Variants in LCORL observed in about 807,000 individuals in gnomAD.
The protein encoded by LCORL is ligand-dependent nuclear receptor corepressor-like protein.
A neutral mutation model predicts 141.8 loss-of-function variants in LCORL; 41 were observed. The observed-to-expected ratio is 0.29, with a 90% confidence interval of 0.23 to 0.38. The LOEUF is 0.38. Ranked by LOEUF, LCORL falls within the 10% of genes least tolerant of loss-of-function variation. The pLI, the probability that LCORL is intolerant of heterozygous loss-of-function variation, is 1.00. For missense variants in LCORL, 1,759 were observed against 2,035.0 expected (o/e 0.86, Z 2.61); for synonymous variants, 618 against 694.1 (o/e 0.89, Z 1.72).
chr4:17,922,407 G>A (rs1297885638), intron 4 of LCORL, among the ~76,000 whole-genome samples: 1 of 152,124 alleles, frequency 6.6e-6, no homozygotes. Context: ...GCTTGTGAGA[G>A]GCAAGTTTAG....
chr4:17,912,908 C>A, intron 4 of LCORL: 1 of 466,278 alleles, frequency 2.1e-6, no homozygotes, highest in Admixed American at 2.3e-5. Flanking sequence ...ATCCAAAAGA[C>A]CACCAGCCAC....
chr4:17,921,323 C>T (rs1009055248), intron 4 of LCORL, among the ~76,000 whole-genome samples: 2 of 152,162 alleles, frequency 1.3e-5, no homozygotes, highest in African/African-American at 2.4e-5. Flanking sequence ...GCCACCGCAC[C>T]CAACCGAATC....
intron 1 of LCORL, among the ~76,000 whole-genome samples, chr4:17,990,575 T>C (rs1719813988): frequency 6.6e-6 from 1 of 151,600 alleles, no homozygotes; most frequent in Non-Finnish European, 1.5e-5. Flanking sequence ...TATCATGATA[T>C]GCACTAAGGG....
At chr4:17,941,852 A>ATT (rs10716443) in intron 4 of LCORL, among the ~76,000 whole-genome samples, 5 of 145,212 alleles carry the variant, frequency 3.4e-5, no homozygotes, top group Admixed American at 2.1e-4. Context: ...CCATGATAGA[A>ATT]TTTTTTTTTT....
intron 4 of LCORL, among the ~76,000 whole-genome samples, chr4:17,933,761 T>C (rs1172752774): frequency 6.6e-6 from 1 of 152,098 alleles, no homozygotes; most frequent in Non-Finnish European, 1.5e-5. Context: ...TACTGTCATA[T>C]GTAAAAACTG....
At chr4:18,003,845 A>C (rs1245494954) in intron 1 of LCORL, among the ~76,000 whole-genome samples, 6 of 152,348 alleles carry the variant, frequency 3.9e-5, no homozygotes, top group Admixed American at 3.9e-4. Context: ...TCAACATATC[A>C]CATAAAAATA....
chr4:17,922,792 G>A (rs569363392), intron 4 of LCORL, among the ~76,000 whole-genome samples: 30 of 152,282 alleles, frequency 2.0e-4, no homozygotes, highest in African/African-American at 6.7e-4. Flanking sequence ...AACCTGATGA[G>A]GCTGGGAACA....
chr4:17,990,367 C>T (rs1229309556), intron 1 of LCORL, among the ~76,000 whole-genome samples: 1 of 147,676 alleles, frequency 6.8e-6, no homozygotes, highest in African/African-American at 2.6e-5. Context: ...CCAAAGTGCT[C>T]GGATTACAGG....
intron 1 of LCORL, among the ~76,000 whole-genome samples, chr4:17,989,563 C>T (rs1719607507): frequency 1.3e-5 from 2 of 152,104 alleles, no homozygotes; most frequent in Admixed American, 1.3e-4. Flanking sequence ...AAGTATCTCC[C>T]AAACTTTTGG....
intron 2 of LCORL, among the ~76,000 whole-genome samples, chr4:17,967,566 A>G (rs1281926035): frequency 6.6e-6 from 1 of 152,214 alleles, no homozygotes; most frequent in East Asian, 1.9e-4. Context: ...AGTTAAAAAA[A>G]TTAAAATCAT....
chr4:17,978,213 T>G (rs145759752), intron 1 of LCORL, among the ~76,000 whole-genome samples: 1 of 152,312 alleles, frequency 6.6e-6, no homozygotes, highest in African/African-American at 2.4e-5. Context: ...ACATTGTGAA[T>G]TTTACATTGT....
intron 1 of LCORL, among the ~76,000 whole-genome samples, chr4:18,012,580 A>AATTAATTAATTACTTACTTAATTAATT (rs1429385892): frequency 6.6e-6 from 1 of 152,228 alleles, no homozygotes; most frequent in African/African-American, 2.4e-5. Flanking sequence ...TGACAACAGT[A>AATTAATTAATTACTTACTTAATTAATT]AATTAATTGT....
chr4:17,853,049 A>T (rs199627648), intron 7 of LCORL, among the ~76,000 whole-genome samples: 3 of 125,172 alleles, frequency 2.4e-5, no homozygotes, highest in South Asian at 2.8e-4. Flanking sequence ...TAAAAGCTTG[A>T]TTTTTTTTTT....
At chr4:17,982,482 G>A (rs1014211794) in intron 1 of LCORL, among the ~76,000 whole-genome samples, 7 of 148,810 alleles carry the variant, frequency 4.7e-5, no homozygotes, top group Admixed American at 6.8e-5. Context: ...ACTGGTGTGA[G>A]ATGTTATCTC....
intron 6 of LCORL, chr4:17,883,382 C>A: frequency 1.9e-6 from 2 of 1,039,656 alleles, no homozygotes; most frequent in Admixed American, 5.3e-5. Context: ...AAAAATGTTT[C>A]ACTTGACAAT....
At chr4:18,019,454 A>C (rs1472943337) in intron 1 of LCORL, among the ~76,000 whole-genome samples, 1 of 152,248 alleles carries the variant, frequency 6.6e-6, no homozygotes, top group East Asian at 1.9e-4. Context: ...ATTTCTTTTC[A>C]CATACGATAC....
Position 17,883,631 on chromosome 4 carries a change from T to C in LCORL, c.776+2437A>G, listed in dbSNP as rs149560957. ...CATTTGTAATTCCCACGTGTGTATA[T>C]AGACACACAAATACACACCTGTGCA... On this transcript the variant is annotated intron_variant, in intron 6 of 7. Coordinates refer to ENST00000635767, the Ensembl canonical transcript of LCORL. 2.8e-4 allele frequency: 395 copies of C among 1,430,560 alleles called. No individual in the cohort carries two copies. In the African/African-American group the frequency reaches 3.9e-3, roughly 14 times the overall value. The allele number at this position is 1,430,560 out of a possible 1,614,324, so 88.6% of individuals were successfully genotyped here. A position where few individuals can be genotyped will look rare whatever the true frequency, so the allele number is the denominator to read the frequency against.
intron 1 of LCORL, chr4:18,020,814 G>C (rs1168494604): frequency 6.6e-6 from 1 of 152,314 alleles, no homozygotes; most frequent in Non-Finnish European, 1.5e-5. Flanking sequence ...GACCAGAGTC[G>C]TCGGGGCGTC....
chr4:17,982,259 T>A (rs536428666), intron 1 of LCORL, among the ~76,000 whole-genome samples: 1 of 152,266 alleles, frequency 6.6e-6, no homozygotes, highest in South Asian at 2.1e-4. Flanking sequence ...TGTCTTTACA[T>A]ACAATACAAC....
Sources: gnomAD v4.1 joint callset for allele counts (sites outside exome capture counted in the v4.1 genomes callset) on GRCh38, gnomAD v4.1.1 for gene constraint, MANE v1.5 for transcripts, NCBI Gene and HGNC (gene_info 2026-07-23, HGNC 2026-07-21) for gene names.